Variants in RBL2 observed in about 807,000 individuals in gnomAD.
The protein encoded by RBL2 is retinoblastoma-like protein 2.
Under a neutral mutation model 126.0 loss-of-function variants are expected in RBL2, and 56 were observed. That is an observed-to-expected ratio of 0.44 (90% CI 0.36 to 0.56). The LOEUF (loss-of-function observed/expected upper bound fraction) is 0.56, where lower values mean the gene tolerates loss of function less well. Among genes scored for constraint, RBL2 ranks in the 20% least tolerant of loss-of-function variants. The pLI, the probability that RBL2 is intolerant of heterozygous loss-of-function variation, is 0.00. For synonymous variants in RBL2, 454 were observed against 478.5 expected, an observed-to-expected ratio of 0.95 and a Z score of 0.67; for missense variants, 1,229 against 1,398.2, an observed-to-expected ratio of 0.88 and a Z score of 1.93.
intron 1 of RBL2, chr16:53,435,848 CTT>C (rs1427106393): frequency 2.8e-6 from 3 of 1,080,406 alleles, no homozygotes; most frequent in Admixed American, 2.5e-5. Flanking sequence ...CTAGTTCCCT[CTT>C]TGAATTGTTA....
intron 2 of RBL2, 132 bp downstream of exon 2, chr16:53,439,278 A>G (rs777832803): frequency 1.5e-4 from 101 of 692,520 alleles, no homozygotes; most frequent in Non-Finnish European, 2.0e-4. Context: ...TAGATGCTAA[A>G]ACTAGCATCT....
chr16:53,440,030 T>G (rs1422667070), intron 2 of RBL2, among the ~76,000 whole-genome samples: 3 of 150,842 alleles, frequency 2.0e-5, no homozygotes, highest in African/African-American at 7.3e-5. Context: ...CTCACACCTG[T>G]AATCCCAGTA....
At chr16:53,467,329 A>G (rs1293385414) in intron 14 of RBL2, among the ~76,000 whole-genome samples, 160 bp downstream of exon 14, 3 of 152,214 alleles carry the variant, frequency 2.0e-5, no homozygotes, top group Non-Finnish European at 2.9e-5. Flanking sequence ...TTTAAAGACT[A>G]AGAACACAGG....
rs1303477539 is a variant in RBL2 at position 53,470,550 on chromosome 16, G to A, written c.2413G>A (p.Val805Met). The change falls in exon 16 of 22, where the codon GTG becomes ATG. Residue 805 changes from valine (V) to methionine (M), a missense_variant. Transcript: ENST00000262133. Reference sequence around the variant, plus strand: ...AACAACTTTGCAAGTCCCTGGTCAAGTGGCCATTCAACAGATTTCCCCAGG... The same window carrying A: ...AACAACTTTGCAAGTCCCTGGTCAAATGGCCATTCAACAGATTTCCCCAGG... ...TGTTLQVPGQ[V>M]AIQQISPGGQ... The A allele has an allele frequency of 1.2e-6, 2 of 1,614,174 alleles. No homozygotes were observed. Among genetic ancestry groups the A allele is most frequent in the Non-Finnish European group, 1.7e-6 (2 of 1,180,038 alleles).
In RBL2 at chr16:53,442,668, T is replaced by C. The variant is rs1364354356; in HGVS notation, c.382T>C (p.Phe128Leu). Residue 128 changes from phenylalanine to leucine, a missense_variant, in exon 3 of 22, where the codon TTT (phenylalanine) becomes CTT (leucine). Phe to Leu is a conservative substitution (Grantham distance 22, BLOSUM62 0). Transcript: ENST00000262133. The stretch of plus-strand genomic sequence containing the variant: ...TGTCTTTAATACCAGCTTAATCGAA[T>C]TTTTTAATAAGATGAAGAAGTGGGA... ...LKCSEQSLIE[F>L]FNKMKKWEDM... The C allele has an allele frequency of 1.2e-6, 2 of 1,611,604 alleles. No homozygotes were observed. The highest frequency in any genetic ancestry group is 1.7e-5 in the Admixed American group (1 of 59,810).
At chr16:53,451,885 A>T (rs1376990180) in intron 5 of RBL2, 54 bp downstream of exon 5, 2 of 1,588,646 alleles carry the variant, frequency 1.3e-6, no homozygotes, top group Non-Finnish European at 1.7e-6. Flanking sequence ...TGTTATGTTT[A>T]CCCTTGGAGT....
chr16:53,447,666 A>G (rs753152669), intron 4 of RBL2, among the ~76,000 whole-genome samples: 3 of 151,442 alleles, frequency 2.0e-5, no homozygotes, highest in East Asian at 3.9e-4. Flanking sequence ...TTTATTTGAG[A>G]TGGAATCTCA....
At chr16:53,457,777 AG>A in intron 8 of RBL2, among the ~76,000 whole-genome samples, 1 of 152,246 alleles carries the variant, frequency 6.6e-6, no homozygotes, top group Non-Finnish European at 1.5e-5. Flanking sequence ...CTTTAAGCTA[AG>A]CACAGTGCTA....
rs1444334786 is a variant in RBL2 at position 53,470,925 on chromosome 16, G to A, written c.2703+3G>A. 6.2e-7 allele frequency: 1 copy of A among 1,605,280 alleles called. No individual in the cohort carries two copies. Among genetic ancestry groups the A allele is most frequent in the Non-Finnish European group, 8.5e-7 (1 of 1,176,480 alleles). The stretch of plus-strand genomic sequence containing the variant: ...GTGCCATTTATGTGATGGCAAAGGT[G>A]AGTACCATTTGGAATTGTAAAGGCA... On this transcript the variant is annotated splice_donor_region_variant and intron_variant, in intron 17 of 21. Coordinates refer to ENST00000262133, the MANE Select transcript of RBL2 (RefSeq NM_005611.4).
chr16:53,444,342 C>T (rs1215625516), intron 3 of RBL2, among the ~76,000 whole-genome samples: 4 of 151,624 alleles, frequency 2.6e-5, no homozygotes, highest in African/African-American at 4.8e-5. Flanking sequence ...CACTCTAGGT[C>T]GGGAGTTCGA....
Position 53,470,078 on chromosome 16 carries a change from C to T in RBL2, c.2138C>T (p.Ser713Phe), listed in dbSNP as rs2058307581. Reference sequence around the variant, plus strand: ...AATGCTGTCCCTGTGCAGAATGTATCTGGGGAGACTGTTTCTGTCACACCA... The same window carrying T: ...AATGCTGTCCCTGTGCAGAATGTATTTGGGGAGACTGTTTCTGTCACACCA... Reference protein sequence around the residue: ...LVNAVPVQNVSGETVSVTPVP... With the variant: ...LVNAVPVQNVFGETVSVTPVP... The change falls in exon 15 of 22, where the codon TCT (serine) becomes TTT (phenylalanine). Residue 713 changes from serine to phenylalanine, a missense_variant. Transcript: ENST00000262133. 1.2e-6 allele frequency: 2 copies of T among 1,614,218 alleles called. No individual in the cohort carries two copies. The highest frequency in any genetic ancestry group is 1.7e-6 in the Non-Finnish European group (2 of 1,180,020).
chr16:53,443,351 C>G (rs185608300), intron 3 of RBL2: 1 of 152,326 alleles, frequency 6.6e-6, no homozygotes, highest in Non-Finnish European at 1.5e-5. Context: ...ATATAGATCA[C>G]TATATTAACC....
At chr16:53,435,507 C>A in intron 1 of RBL2, 1 of 1,113,228 alleles carries the variant, frequency 9.0e-7, no homozygotes, top group Non-Finnish European at 1.1e-6. Context: ...TAGGTCGCAG[C>A]CTTCGGACAG....
At chr16:53,440,780 C>T (rs984940795) in intron 2 of RBL2, among the ~76,000 whole-genome samples, 1 of 151,876 alleles carries the variant, frequency 6.6e-6, no homozygotes, top group African/African-American at 2.4e-5. Flanking sequence ...TTTCCAACTC[C>T]CGACCTCAGG....
In RBL2 at chr16:53,442,819, A is replaced by C; in HGVS notation, c.533A>C (p.Gln178Pro). ...PIFQDIFKYP[Q>P]EEQPRQQRGR... The stretch of plus-strand genomic sequence containing the variant: ...TTTCAGGACATCTTTAAATACCCTC[A>C]AGAGGAGCAACCTCGTCAGCAGCGA... The change falls in exon 3 of 22, where the codon CAA becomes CCA. Residue 178 changes from glutamine (Q) to proline (P), a missense_variant. Gln to Pro is a moderately conservative substitution (Grantham distance 76, BLOSUM62 -1). This residue lies in a region of RBL2 where 1,070 missense variants were observed against 1,274.3 expected (regional missense o/e 0.84). Transcript: ENST00000262133. 1 of 1,613,254 alleles carries C rather than the reference A, an allele frequency of 6.2e-7. No individual in the cohort carries two copies.
chr16:53,483,552 A>C (rs1466110622), intron 21 of RBL2, among the ~76,000 whole-genome samples: 1 of 152,068 alleles, frequency 6.6e-6, no homozygotes, highest in Non-Finnish European at 1.5e-5. Context: ...TGGAAAAAAA[A>C]GTTGAGGAAA....
chr16:53,434,852 C>T (rs369007796), intron 1 of RBL2, 56 bp downstream of exon 1: 24 of 1,418,634 alleles, frequency 1.7e-5, no homozygotes, highest in African/African-American at 3.0e-5. Context: ...CCGGTGCCTT[C>T]CGAGCCGCGT....
intron 8 of RBL2, among the ~76,000 whole-genome samples, chr16:53,457,148 A>G (rs2058175211): frequency 6.6e-6 from 1 of 151,766 alleles, no homozygotes; most frequent in Non-Finnish European, 1.5e-5. Context: ...GCATCCTAGT[A>G]GAGAAGTTGA....
chr16:53,489,580 G>GTAAC (rs1485018006), intron 21 of RBL2: 1 of 152,080 alleles, frequency 6.6e-6, no homozygotes, highest in African/African-American at 2.4e-5. Flanking sequence ...AATAATTTGA[G>GTAAC]TAACTTTAAT....
Sources: allele counts gnomAD v4.1 joint callset (sites outside exome capture counted in the v4.1 genomes callset), GRCh38; gene constraint gnomAD v4.1.1; regional missense constraint gnomAD v4.1.1; transcripts MANE v1.5; gene names NCBI Gene and HGNC (gene_info 2026-07-23, HGNC 2026-07-21).